Variants in PCDHA3 observed in about 807,000 individuals in gnomAD.
The protein encoded by PCDHA3 is protocadherin alpha-3.
In PCDHA3, 41 loss-of-function variants were observed where a neutral mutation model predicts 62.2. That is an observed-to-expected ratio of 0.66 (90% CI 0.51 to 0.86). The LOEUF is 0.86. PCDHA3 is among the 40% of genes least tolerant of loss of function. The probability of loss-of-function intolerance (pLI) is 0.00; values close to 1 mark genes in which losing one functional copy is unlikely to be tolerated. For synonymous variants in PCDHA3, 640 were observed against 555.4 expected (o/e 1.15, Z -2.14); for missense variants, 1,304 against 1,241.2 (o/e 1.05, Z -0.76).
chr5:140,825,497 A>G (rs1554130262), intron 1 of PCDHA3: 1 of 150,846 alleles, frequency 6.6e-6, no homozygotes, highest in East Asian at 1.9e-4. Context: ...AACGAGTGCA[A>G]TGGTACAATC....
chr5:140,925,455 T>TTG, intron 1 of PCDHA3, among the ~76,000 whole-genome samples: 1 of 152,222 alleles, frequency 6.6e-6, no homozygotes, highest in East Asian at 1.9e-4. Flanking sequence ...GGTGTATCTG[T>TTG]TGTGGCTCAG....
intron 1 of PCDHA3, chr5:140,859,217 C>T (rs1409192343): frequency 6.7e-6 from 1 of 149,754 alleles, no homozygotes; most frequent in South Asian, 2.1e-4. Context: ...AGCTCTTTCA[C>T]TTTAAGGAAG....
chr5:140,804,040 A>G (rs782690715), intron 1 of PCDHA3: 5 of 178,442 alleles, frequency 2.8e-5, no homozygotes, highest in Non-Finnish European at 5.8e-5. Flanking sequence ...TAATGCTTAT[A>G]ACTCCCTATT....
intron 1 of PCDHA3, chr5:140,828,292 C>G: frequency 6.2e-7 from 1 of 1,614,100 alleles, no homozygotes; most frequent in Non-Finnish European, 8.5e-7. Flanking sequence ...TCAGGATGGC[C>G]TCCAAAGACC....
At chr5:140,895,898 G>A (rs1023440863) in intron 1 of PCDHA3, among the ~76,000 whole-genome samples, 2 of 152,016 alleles carry the variant, frequency 1.3e-5, no homozygotes, top group South Asian at 4.1e-4. Flanking sequence ...TGCAACCTCC[G>A]CGTCCCGGGC....
chr5:140,861,413 G>T (rs189790760), intron 1 of PCDHA3: 3 of 474,952 alleles, frequency 6.3e-6, no homozygotes, highest in Non-Finnish European at 1.3e-5. Flanking sequence ...AGCTGATACC[G>T]CGCCTGTTTC....
chr5:140,841,454 G>A, intron 1 of PCDHA3: 1 of 1,612,938 alleles, frequency 6.2e-7, no homozygotes, highest in Non-Finnish European at 8.5e-7. Context: ...CGGCACCTTC[G>A]TGGGCCGGAT....
intron 1 of PCDHA3, chr5:140,870,001 G>C (rs782788057): frequency 1.2e-6 from 2 of 1,613,448 alleles, no homozygotes; most frequent in African/African-American, 1.3e-5. Context: ...AAATAATGGA[G>C]AAGTGAGGGT....
At position 140,927,270 on chromosome 5, in the gene PCDHA3, C is replaced by T. The variant is rs541200655; in HGVS notation, c.2395-51679C>T. 5 of 1,614,150 alleles carry T rather than the reference C, an allele frequency of 3.1e-6. No individual in the cohort carries two copies. The South Asian group carries it at 3.3e-5, about 11-fold the overall frequency. ...ATGACAACTCACCTCTCTTTCCTGCCGGCGACGTGCAGCTGCACATCCCCG... is the reference window on the plus strand; with the variant it reads ...ATGACAACTCACCTCTCTTTCCTGCTGGCGACGTGCAGCTGCACATCCCCG... On this transcript the variant is annotated intron_variant, in intron 1 of 3. Transcript: ENST00000522353.
At chr5:140,849,659 C>T in intron 1 of PCDHA3, 4 of 1,598,722 alleles carry the variant, frequency 2.5e-6, no homozygotes, top group Non-Finnish European at 3.4e-6. Flanking sequence ...TTACCTGCTC[C>T]CTGACGCCCC....
Position 140,802,681 on chromosome 5 carries a change from T to A in PCDHA3, c.1484T>A (p.Val495Glu). The A allele has an allele frequency of 6.2e-6, 10 of 1,613,198 alleles. No individual in the cohort carries two copies. The highest frequency in any genetic ancestry group is 8.5e-6 in the Non-Finnish European group (10 of 1,179,816). ...AACGCCCTGGTGTCCTACTCGCTGG[T>A]GGAACGGCGGGTGGGGGAGCGCGCG... ...QENALVSYSL[V>E]ERRVGERALS... Residue 495 changes from valine (V) to glutamate (E), a missense_variant, in exon 1 of 4, where the codon GTG (valine) becomes GAG (glutamate). Coordinates refer to ENST00000522353, the MANE Select transcript of PCDHA3 (RefSeq NM_018906.3).
intron 1 of PCDHA3, chr5:140,806,987 C>A: frequency 3.0e-6 from 2 of 656,776 alleles, no homozygotes; most frequent in Non-Finnish European, 5.1e-6. Flanking sequence ...TTTGGAGCCA[C>A]ATGATGTCGC....
chr5:140,979,033 C>T, intron 2 of PCDHA3, 26 bp downstream of exon 2: 1 of 1,613,044 alleles, frequency 6.2e-7, no homozygotes, highest in Non-Finnish European at 8.5e-7. Flanking sequence ...CTCATTCACT[C>T]AGAAGTAACC....
At chr5:140,949,383 T>C (rs2094373133) in intron 1 of PCDHA3, among the ~76,000 whole-genome samples, 1 of 151,882 alleles carries the variant, frequency 6.6e-6, no homozygotes, top group Non-Finnish European at 1.5e-5. Flanking sequence ...TATCAATTGC[T>C]CAGAGAGCAG....
chr5:140,962,806 A>G (rs2095710017), intron 1 of PCDHA3, among the ~76,000 whole-genome samples: 1 of 152,204 alleles, frequency 6.6e-6, no homozygotes, highest in Admixed American at 6.5e-5. Context: ...ACAACTCTAA[A>G]CATCAGAGAT....
At chr5:140,915,535 A>G (rs1482564103) in intron 1 of PCDHA3, among the ~76,000 whole-genome samples, 1 of 152,002 alleles carries the variant, frequency 6.6e-6, no homozygotes, top group African/African-American at 2.4e-5. Context: ...ACCATCTTGG[A>G]GGTCTTGAAT....
chr5:140,887,446 C>T (rs554116341), intron 1 of PCDHA3, among the ~76,000 whole-genome samples: 1 of 152,170 alleles, frequency 6.6e-6, no homozygotes, highest in East Asian at 1.9e-4. Flanking sequence ...GCATAGTTGA[C>T]AGTTTTTTAA....
At chr5:140,857,104 T>G in intron 1 of PCDHA3, 6 of 1,597,962 alleles carry the variant, frequency 3.8e-6, no homozygotes, top group Non-Finnish European at 5.1e-6. Flanking sequence ...TGATTGTCAC[T>G]TCTCTGTCTC....
chr5:141,000,499 C>T (rs2097942558), intron 3 of PCDHA3, among the ~76,000 whole-genome samples: 1 of 138,650 alleles, frequency 7.2e-6, no homozygotes, highest in African/African-American at 2.7e-5. Context: ...AAGATCTCGG[C>T]TCACTGCAAC....
Sources: gnomAD v4.1 joint callset for allele counts (sites outside exome capture counted in the v4.1 genomes callset) on GRCh38, gnomAD v4.1.1 for gene constraint, MANE v1.5 for transcripts, NCBI Gene and HGNC (gene_info 2026-07-23, HGNC 2026-07-21) for gene names.